The following CHLSN variants were observed in gnomAD, a reference collection of about 807,000 sequenced individuals.
CHLSN encodes the protein cholesin.
chr7:1,010,056 C>T, the CHLSN span: 3 of 1,612,350 alleles, frequency 1.9e-6, no homozygotes, highest in Non-Finnish European at 8.5e-7. Context: ...TTCTTCCGTT[C>T]CTTTTTCAGC....
chr7:1,094,839 C>T, the CHLSN span, among the ~76,000 whole-genome samples: 1 of 152,170 alleles, frequency 6.6e-6, no homozygotes, highest in African/African-American at 2.4e-5. Context: ...ACCCCAGCAC[C>T]GTGGTGCTGG....
the CHLSN span, among the ~76,000 whole-genome samples, chr7:1,102,022 C>G: frequency 6.6e-6 from 1 of 152,260 alleles, no homozygotes; most frequent in Non-Finnish European, 1.5e-5. Context: ...GAAGTCATCA[C>G]AGCAGAGCGC....
At chr7:1,044,849 C>T in the CHLSN span, among the ~76,000 whole-genome samples, 1 of 152,152 alleles carries the variant, frequency 6.6e-6, no homozygotes, top group East Asian at 1.9e-4. Context: ...CCTCCGGCCG[C>T]GCTCCGAGCT....
chr7:1,079,127 A>C, the CHLSN span, among the ~76,000 whole-genome samples: 1 of 152,218 alleles, frequency 6.6e-6, no homozygotes, highest in Non-Finnish European at 1.5e-5. Context: ...CAGGGTCACA[A>C]GACCAGCAGG....
the CHLSN span, among the ~76,000 whole-genome samples, chr7:1,103,283 G>A: frequency 5.3e-5 from 8 of 152,180 alleles, no homozygotes; most frequent in Admixed American, 5.2e-4. Flanking sequence ...TTCATCCCCT[G>A]GGCTGAGATT....
the CHLSN span, among the ~76,000 whole-genome samples, chr7:1,011,738 A>C: frequency 5.9e-5 from 9 of 151,802 alleles, no homozygotes; most frequent in African/African-American, 2.2e-4. Flanking sequence ...AGACACCCAC[A>C]AACACCATAC....
At chr7:1,051,490 C>T in the CHLSN span, among the ~76,000 whole-genome samples, 7 of 152,236 alleles carry the variant, frequency 4.6e-5, no homozygotes, top group Admixed American at 3.9e-4. Context: ...CTCCCGATTC[C>T]GCTGGGCTTT....
the CHLSN span, chr7:1,080,744 C>G: frequency 6.6e-5 from 10 of 152,288 alleles, no homozygotes; most frequent in African/African-American, 2.4e-4. Context: ...CGTTAAGCAG[C>G]TGGGTACCAG....
the CHLSN span, among the ~76,000 whole-genome samples, chr7:981,378 C>T: frequency 5.0e-4 from 76 of 152,058 alleles, no homozygotes; most frequent in African/African-American, 1.8e-3. Flanking sequence ...CTTTTGGAGG[C>T]GGCCACAGTA....
At chr7:1,076,435 G>T in the CHLSN span, among the ~76,000 whole-genome samples, 20 of 152,202 alleles carry the variant, frequency 1.3e-4, no homozygotes, top group Admixed American at 1.3e-3. Flanking sequence ...CCAGGCATGG[G>T]CTCTGGGGAG....
the CHLSN span, among the ~76,000 whole-genome samples, chr7:1,110,676 T>C: frequency 6.6e-6 from 1 of 152,200 alleles, no homozygotes; most frequent in Non-Finnish European, 1.5e-5. Flanking sequence ...GGCCGCTGTC[T>C]GTGTAGGGCA....
chr7:1,117,603 A>G, the CHLSN span, among the ~76,000 whole-genome samples: 1 of 134,508 alleles, frequency 7.4e-6, no homozygotes, highest in Non-Finnish European at 1.6e-5. Flanking sequence ...ACCGGCTTCC[A>G]TCACCGACGC....
the CHLSN span, among the ~76,000 whole-genome samples, chr7:1,134,320 T>C: frequency 1.1e-4 from 16 of 152,164 alleles, no homozygotes; most frequent in East Asian, 1.2e-3. Context: ...ACACCTGTAA[T>C]ACCAGCACTT....
At chr7:1,102,577 A>ATT in the CHLSN span, among the ~76,000 whole-genome samples, 17 of 149,252 alleles carry the variant, frequency 1.1e-4, no homozygotes, top group South Asian at 8.5e-4. Flanking sequence ...TGTTTTTAAA[A>ATT]TTTTTTTTTT....
the CHLSN span, among the ~76,000 whole-genome samples, chr7:1,122,421 G>A: frequency 6.6e-6 from 1 of 152,342 alleles, no homozygotes; most frequent in South Asian, 2.1e-4. Context: ...GCAGCCACTC[G>A]GCTGGCTCTG....
At chr7:1,016,226 CCAGCACACAGCAGCACACAG>C in the CHLSN span, among the ~76,000 whole-genome samples, 1 of 40,780 alleles carries the variant, frequency 2.5e-5, no homozygotes, top group Non-Finnish European at 4.0e-5. Context: ...GCAGCACACG[CCAGCACACAGCAGCACACAG>C]CAGCGCACGC....
chr7:1,117,496 C>A, the CHLSN span, among the ~76,000 whole-genome samples: 34 of 141,312 alleles, frequency 2.4e-4, no homozygotes, highest in Non-Finnish European at 3.9e-4. Context: ...GCTTCCATCA[C>A]CGACATCCAC....
At chr7:988,278 G>A in the CHLSN span, 1 of 1,585,940 alleles carries the variant, frequency 6.3e-7, no homozygotes, top group South Asian at 1.1e-5. Context: ...CCCCCACAGG[G>A]CACGCCCGTG....
the CHLSN span, chr7:985,155 C>T: frequency 6.3e-7 from 1 of 1,592,658 alleles, no homozygotes; most frequent in Non-Finnish European, 8.5e-7. Flanking sequence ...TGAGGCCCGT[C>T]TCCCTCGCAG....
Sources: allele counts gnomAD v4.1 joint callset (sites outside exome capture counted in the v4.1 genomes callset), GRCh38; gene constraint gnomAD v4.1.1; transcripts MANE v1.5; gene names NCBI Gene and HGNC (gene_info 2026-07-23, HGNC 2026-07-21).